Variants in BIRC2 observed in about 807,000 individuals in gnomAD.
The protein encoded by BIRC2 is baculoviral IAP repeat-containing protein 2.
Under a neutral mutation model 60.9 loss-of-function variants are expected in BIRC2, and 18 were observed. The ratio of observed to expected loss-of-function variants is 0.30; its 90% CI spans 0.20 to 0.44. The LOEUF is 0.44. Among genes scored for constraint, BIRC2 ranks in the 20% least tolerant of loss-of-function variants. BIRC2 has a pLI of 1.00. For synonymous variants in BIRC2, 282 were observed against 247.7 expected (o/e 1.14, Z -1.30); for missense variants, 701 against 728.5 (o/e 0.96, Z 0.43).
rs1351743517 is a variant in BIRC2, at chr11:102,364,172, T to TATATATATATATAC, written c.1123+459_1123+460insTATATATATACATA. ...ATATATATATATATATATATATATA[T>TATATATATATATAC]ATACACACACACACAGAGAGAGAGA... On this transcript the variant is annotated intron_variant, in intron 5 of 8. Transcript: ENST00000227758. Among the ~76,000 whole-genome samples the TATATATATATATAC allele has an allele frequency of 3.0e-4, 27 of 89,700 alleles. No individual in the cohort carries two copies. The East Asian group carries it at 3.6e-3, about 12-fold the overall frequency. The allele number at this position is 89,700 out of a possible 152,430, so 58.8% of individuals were successfully genotyped here.
In BIRC2 at chr11:102,377,982, G is replaced by A; in HGVS notation, c.1664-8G>A. 1 of 1,600,314 alleles carries A rather than the reference G, an allele frequency of 6.2e-7. No homozygotes were observed. Among genetic ancestry groups the A allele is most frequent in the South Asian group, 1.1e-5 (1 of 87,866 alleles). ...AACAATTTCACTAAAGTTATTTTTT[G>A]TTATTAGGTCTGTCACTGGAAGAAC... On this transcript the variant is annotated splice_region_variant and splice_polypyrimidine_tract_variant and intron_variant, in intron 8 of 8. Transcript: ENST00000227758.
At chr11:102,372,999 T>C (rs1341353488) in intron 6 of BIRC2, among the ~76,000 whole-genome samples, 1 of 151,910 alleles carries the variant, frequency 6.6e-6, no homozygotes, top group Non-Finnish European at 1.5e-5. Context: ...CCCCTGCCTC[T>C]TTTTGTTTTC....
At chr11:102,361,430 G>C (rs1000454404) in intron 3 of BIRC2, among the ~76,000 whole-genome samples, 3 of 152,100 alleles carry the variant, frequency 2.0e-5, no homozygotes, top group Non-Finnish European at 4.4e-5. Context: ...GGGCATATGT[G>C]GGGGTTAGGG....
chr11:102,367,592 A>G (rs1321129679), intron 5 of BIRC2, among the ~76,000 whole-genome samples: 2 of 152,216 alleles, frequency 1.3e-5, no homozygotes, highest in African/African-American at 4.8e-5. Context: ...AAAGTATCAT[A>G]TGGGCTAGCA....
rs375650901 is a variant in BIRC2, at chr11:102,368,561, G to A, written c.1366+13G>A. ...GAAATGGCATCAGGTATTTGGGGAT[G>A]TTAGTCACCTGCATTGTTTCTCAGT... is the stretch of plus-strand genomic sequence containing the variant. On this transcript the variant is annotated intron_variant, in intron 6 of 8. Transcript: ENST00000227758. The A allele has an allele frequency of 6.2e-7, 1 of 1,611,018 alleles. No homozygotes were observed. Among genetic ancestry groups the A allele is most frequent in the Non-Finnish European group, 8.5e-7 (1 of 1,178,662 alleles).
chr11:102,365,773 T>G (rs946693422), intron 5 of BIRC2, among the ~76,000 whole-genome samples: 1 of 152,012 alleles, frequency 6.6e-6, no homozygotes, highest in African/African-American at 2.4e-5. Context: ...TGTGTGTGTT[T>G]GTAGATACAG....
intron 5 of BIRC2, among the ~76,000 whole-genome samples, chr11:102,365,762 G>T (rs1281270322): frequency 6.6e-6 from 1 of 152,028 alleles, no homozygotes; most frequent in African/African-American, 2.4e-5. Flanking sequence ...GTGTGTGTGT[G>T]TGTGTGTGTT....
At chr11:102,357,792 T>G (rs1951440183) in intron 3 of BIRC2, among the ~76,000 whole-genome samples, 1 of 152,172 alleles carries the variant, frequency 6.6e-6, no homozygotes, top group Non-Finnish European at 1.5e-5. Flanking sequence ...ATTTTGTTAT[T>G]TCCTTCTGCT....
chr11:102,355,331 T>C (rs1432001100), intron 3 of BIRC2, among the ~76,000 whole-genome samples: 1 of 152,194 alleles, frequency 6.6e-6, no homozygotes, highest in Non-Finnish European at 1.5e-5. Context: ...AAAAACGGTG[T>C]TGGATATCCA....
chr11:102,374,765 C>A (rs1251780293), intron 6 of BIRC2, among the ~76,000 whole-genome samples: 8 of 152,240 alleles, frequency 5.3e-5, no homozygotes, highest in Non-Finnish European at 1.0e-4. Context: ...CCTCCCCCAG[C>A]CTCGCTGCTG....
chr11:102,347,502 G>C (rs1342976092), intron 1 of BIRC2, 126 bp downstream of exon 1: 1 of 152,280 alleles, frequency 6.6e-6, no homozygotes, highest in East Asian at 1.9e-4. Context: ...TTCGGCCAAG[G>C]GTCGAGGGTC....
At chr11:102,368,631 T>C in intron 6 of BIRC2, 83 bp downstream of exon 6, 6 of 1,523,714 alleles carry the variant, frequency 3.9e-6, no homozygotes, top group Non-Finnish European at 4.4e-6. Flanking sequence ...ACCATGCTTG[T>C]TTCACATCCA....
rs772233275 is a variant in BIRC2, at chr11:102,374,815, C to A, written c.1367-2681C>A. Reference sequence around the variant, plus strand: ...CTCAGACTGCTGTGCTAGCAATCAGCGAGACTCCGTGGGCGTAGGACCCTC... The same window carrying A: ...CTCAGACTGCTGTGCTAGCAATCAGAGAGACTCCGTGGGCGTAGGACCCTC... On this transcript the variant is annotated intron_variant, in intron 6 of 8. Coordinates refer to ENST00000227758, the MANE Select transcript of BIRC2 (RefSeq NM_001166.5). 3.3e-5 allele frequency among the ~76,000 whole-genome samples: 5 copies of A among 152,278 alleles called. No homozygotes were observed. In the East Asian group the frequency reaches 7.7e-4, roughly 24 times the overall value.
At chr11:102,352,105 T>TTTG (rs200856555) in intron 3 of BIRC2, among the ~76,000 whole-genome samples, 7,905 of 150,892 alleles carry the variant, frequency 0.052, 232 homozygotes, top group Non-Finnish European at 0.069. Context: ...TCTTTCTCTT[T>TTTG]TTTTTTTTTT....
intron 6 of BIRC2, among the ~76,000 whole-genome samples, chr11:102,375,131 G>A (rs1438260534): frequency 2.0e-5 from 3 of 152,188 alleles, no homozygotes. Context: ...CGTCTTGTGC[G>A]TCGCTCACGC....
At chr11:102,353,821 A>G (rs566666074) in intron 3 of BIRC2, among the ~76,000 whole-genome samples, 65 of 151,766 alleles carry the variant, frequency 4.3e-4, no homozygotes, top group Middle Eastern at 3.4e-3. Flanking sequence ...TCTTTAACCA[A>G]CATCTTCCCA....
chr11:102,357,164 A>C (rs1299179062), intron 3 of BIRC2, among the ~76,000 whole-genome samples: 1 of 151,948 alleles, frequency 6.6e-6, no homozygotes, highest in African/African-American at 2.4e-5. Context: ...TTGGCATATA[A>C]TTTTCTTTTC....
chr11:102,358,967 C>T (rs761315825), intron 3 of BIRC2, among the ~76,000 whole-genome samples: 37 of 152,146 alleles, frequency 2.4e-4, no homozygotes, highest in Admixed American at 1.0e-3. Context: ...TTCAAGGTAA[C>T]TATTGATGGG....
chr11:102,375,778 T>TAAA (rs1395385733), intron 6 of BIRC2, among the ~76,000 whole-genome samples: 1 of 126,804 alleles, frequency 7.9e-6, no homozygotes, highest in African/African-American at 2.9e-5. Flanking sequence ...AGACTCCATC[T>TAAA]CAAAAAAAAA....
Sources: gnomAD v4.1 joint callset for allele counts (sites outside exome capture counted in the v4.1 genomes callset) on GRCh38, gnomAD v4.1.1 for gene constraint, MANE v1.5 for transcripts, NCBI Gene and HGNC (gene_info 2026-07-23, HGNC 2026-07-21) for gene names.